The following CFAP299 variants were observed in gnomAD, a reference collection of about 807,000 sequenced individuals.
CFAP299 encodes cilia and flagella associated protein 299, also known as cilia- and flagella-associated protein 299.
Under a neutral mutation model 27.0 loss-of-function variants are expected in CFAP299, and 21 were observed. That is an observed-to-expected ratio of 0.78 (90% CI 0.55 to 1.12). The LOEUF (loss-of-function observed/expected upper bound fraction) is 1.12. Among genes scored for constraint, CFAP299 ranks in the 50% most tolerant of loss-of-function variants. The pLI is 0.00. For synonymous variants in CFAP299, 104 were observed against 98.1 expected (o/e 1.06, Z -0.36); for missense variants, 310 against 276.6 (o/e 1.12, Z -0.86).
chr4:80,948,766 TG>T (rs1306449202), intron 5 of CFAP299, among the ~76,000 whole-genome samples: 2 of 152,082 alleles, frequency 1.3e-5, no homozygotes, highest in African/African-American at 4.8e-5. Flanking sequence ...GCCTTGCTAA[TG>T]AATATTTGAT....
chr4:80,890,630 CG>C, intron 4 of CFAP299, among the ~76,000 whole-genome samples: 1 of 148,970 alleles, frequency 6.7e-6, no homozygotes, highest in South Asian at 2.2e-4. Context: ...CCTGAGGAAT[CG>C]CCACACTGAC....
At chr4:80,789,978 G>A (rs1287704057) in intron 3 of CFAP299, among the ~76,000 whole-genome samples, 1 of 151,918 alleles carries the variant, frequency 6.6e-6, no homozygotes, top group Non-Finnish European at 1.5e-5. Context: ...TCTTACCTTA[G>A]TAGGAATCAG....
intron 2 of CFAP299, among the ~76,000 whole-genome samples, chr4:80,390,952 C>CAT (rs879445172): frequency 0.47 from 14,366 of 30,254 alleles, 2,236 homozygotes; most frequent in South Asian, 0.6. Flanking sequence ...TATGTACACA[C>CAT]ATGTATATAT....
At chr4:80,935,764 ATAGAG>A (rs1478203654) in intron 4 of CFAP299, among the ~76,000 whole-genome samples, 1 of 152,138 alleles carries the variant, frequency 6.6e-6, no homozygotes, top group Non-Finnish European at 1.5e-5. Context: ...TAAATTATCA[ATAGAG>A]TAAACAGGCA....
intron 4 of CFAP299, among the ~76,000 whole-genome samples, chr4:80,894,199 TA>T (rs374756240): frequency 1.5e-4 from 23 of 151,900 alleles, no homozygotes; most frequent in Middle Eastern, 3.2e-3. Flanking sequence ...TGGGCATTAT[TA>T]AAAAGACAAA....
chr4:80,839,994 T>C (rs558952741), intron 3 of CFAP299, among the ~76,000 whole-genome samples: 3 of 152,258 alleles, frequency 2.0e-5, no homozygotes, highest in Admixed American at 6.5e-5. Context: ...TGGGATTTTG[T>C]TGTGAGTTGC....
chr4:80,864,510 CTATATATACGTA>C (rs1421083359), intron 3 of CFAP299, among the ~76,000 whole-genome samples: 1 of 143,426 alleles, frequency 7.0e-6, no homozygotes, highest in Non-Finnish European at 1.5e-5. Context: ...ACATATATAC[CTATATATACGTA>C]TATATACATA....
At chr4:80,937,316 T>C (rs1474064021) in intron 4 of CFAP299, among the ~76,000 whole-genome samples, 11 of 110,528 alleles carry the variant, frequency 1.0e-4, no homozygotes, top group Non-Finnish European at 1.7e-4. Context: ...TTCTTTCTTT[T>C]TTTTTTTTTT....
intron 2 of CFAP299, among the ~76,000 whole-genome samples, chr4:80,512,605 G>A (rs1350572101): frequency 6.6e-6 from 1 of 152,086 alleles, no homozygotes; most frequent in African/African-American, 2.4e-5. Context: ...AGTTACATAT[G>A]AACCTCAGGA....
chr4:80,814,609 A>G (rs956863531), intron 3 of CFAP299, among the ~76,000 whole-genome samples: 4 of 151,838 alleles, frequency 2.6e-5, no homozygotes, highest in African/African-American at 9.7e-5. Context: ...ACTAATTTGT[A>G]CTCTGAGTAT....
intron 2 of CFAP299, among the ~76,000 whole-genome samples, chr4:80,405,875 T>C (rs1221691780): frequency 6.6e-6 from 1 of 152,152 alleles, no homozygotes; most frequent in African/African-American, 2.4e-5. Context: ...TTTCAGCTCC[T>C]GAAAAATTAT....
At chr4:80,417,453 G>A (rs1230262579) in intron 2 of CFAP299, among the ~76,000 whole-genome samples, 1 of 152,060 alleles carries the variant, frequency 6.6e-6, no homozygotes, top group Non-Finnish European at 1.5e-5. Context: ...GAGTTGCCCT[G>A]ATTCAAACAC....
At chr4:80,858,467 C>G (rs1341687509) in intron 3 of CFAP299, among the ~76,000 whole-genome samples, 3 of 151,924 alleles carry the variant, frequency 2.0e-5, no homozygotes, top group Non-Finnish European at 4.4e-5. Context: ...AATGTGTTTG[C>G]TCTTGCTTTT....
chr4:80,950,258 C>T (rs538847571), intron 5 of CFAP299, among the ~76,000 whole-genome samples: 1 of 151,644 alleles, frequency 6.6e-6, no homozygotes, highest in Non-Finnish European at 1.5e-5. Context: ...CCTCCACCCC[C>T]CCCCTTTCTC....
At chr4:80,442,270 A>G (rs549104871) in intron 2 of CFAP299, among the ~76,000 whole-genome samples, 1 of 152,318 alleles carries the variant, frequency 6.6e-6, no homozygotes, top group Non-Finnish European at 1.5e-5. Context: ...TTAGCACCAC[A>G]TAGCACTTAT....
chr4:80,571,511 T>G (rs757818204), intron 2 of CFAP299, among the ~76,000 whole-genome samples: 3 of 151,976 alleles, frequency 2.0e-5, no homozygotes, highest in Admixed American at 6.6e-5. Context: ...AGCAAGAAAG[T>G]GTATGTAGAA....
intron 3 of CFAP299, among the ~76,000 whole-genome samples, chr4:80,688,414 C>CA (rs1318159072): frequency 0.12 from 2,852 of 24,156 alleles, 45 homozygotes; most frequent in South Asian, 0.23. Flanking sequence ...TGGGAGGCAC[C>CA]CCCCAGCAGG....
Position 80,500,723 on chromosome 4 carries a change from G to T in CFAP299, c.243-82370G>T, listed in dbSNP as rs559485415. 1.4e-4 allele frequency among the ~76,000 whole-genome samples: 22 copies of T among 152,202 alleles called. No homozygotes were observed. In the South Asian group the frequency reaches 4.6e-3, roughly 32 times the overall value. Reference sequence around the variant, plus strand: ...GTCTCACACGTGCATCCTACTCAAAGCATGGCACCAGAGCAAGTCTGTTTC... The same window carrying T: ...GTCTCACACGTGCATCCTACTCAAATCATGGCACCAGAGCAAGTCTGTTTC... On this transcript the variant is annotated intron_variant, in intron 2 of 5. Coordinates refer to ENST00000358105, the MANE Select transcript of CFAP299 (RefSeq NM_152770.3).
chr4:80,811,185 A>T (rs1484953680), intron 3 of CFAP299, among the ~76,000 whole-genome samples: 3 of 152,148 alleles, frequency 2.0e-5, no homozygotes, highest in African/African-American at 4.8e-5. Context: ...TTGTATATTT[A>T]AAATAATAGC....
Sources: allele counts gnomAD v4.1 joint callset (sites outside exome capture counted in the v4.1 genomes callset), GRCh38; gene constraint gnomAD v4.1.1; transcripts MANE v1.5; gene names NCBI Gene and HGNC (gene_info 2026-07-23, HGNC 2026-07-21).